Variants in ADCY1 observed in about 807,000 individuals in gnomAD.
The protein encoded by ADCY1 is adenylate cyclase type 1.
A neutral mutation model predicts 105.4 loss-of-function variants in ADCY1; 28 were observed. That is an observed-to-expected ratio of 0.27 (90% CI 0.20 to 0.36). ADCY1 has a LOEUF of 0.36. Ranked by LOEUF, ADCY1 falls within the 10% of genes least tolerant of loss-of-function variation. The pLI is 1.00. For missense variants in ADCY1, 977 were observed against 1,434.2 expected (o/e 0.68, Z 5.15); for synonymous variants, 655 against 623.8 (o/e 1.05, Z -0.75).
At chr7:45,693,929 C>T (rs141967240) in intron 14 of ADCY1, among the ~76,000 whole-genome samples, 15,565 of 105,260 alleles carry the variant, frequency 0.15, 1,396 homozygotes, top group Non-Finnish European at 0.2. Context: ...ATCACATGGA[C>T]ACAGGAAGGG....
rs1785502811 is a variant in ADCY1, at chr7:45,722,850, C to T, written c.*8855C>T. ...ACAATAACTCACTCTCACTGGGTAACTTCTCATGATAGATTTGTATGATCA... is the reference window on the plus strand; with the variant it reads ...ACAATAACTCACTCTCACTGGGTAATTTCTCATGATAGATTTGTATGATCA... On this transcript the variant is annotated 3_prime_UTR_variant, in exon 20 of 20. Coordinates refer to ENST00000297323, the MANE Select transcript of ADCY1 (RefSeq NM_021116.4). 6.6e-6 allele frequency: 1 copy of T among 152,608 alleles called. No individual in the cohort carries two copies. The highest frequency in any genetic ancestry group is 2.1e-4 in the South Asian group (1 of 4,834). The allele number at this position is 152,608 out of a possible 1,614,324, so 9.5% of individuals were successfully genotyped here.
intron 2 of ADCY1, among the ~76,000 whole-genome samples, chr7:45,593,888 G>A (rs1360446104): frequency 6.6e-6 from 1 of 152,250 alleles, no homozygotes; most frequent in African/African-American, 2.4e-5. Context: ...GGTGGTGTGT[G>A]CATTGCCGTC....
At chr7:45,659,666 G>A (rs901179101) in intron 6 of ADCY1, among the ~76,000 whole-genome samples, 1 of 152,174 alleles carries the variant, frequency 6.6e-6, no homozygotes, top group African/African-American at 2.4e-5. Context: ...GACCATGGCT[G>A]GGGAGGGACT....
chr7:45,611,539 T>G (rs1250723293), intron 3 of ADCY1, among the ~76,000 whole-genome samples: 2 of 152,058 alleles, frequency 1.3e-5, no homozygotes, highest in Non-Finnish European at 2.9e-5. Context: ...GTTCATTTCA[T>G]GACAGCCCTA....
At chr7:45,652,194 A>G (rs1363813408) in intron 5 of ADCY1, among the ~76,000 whole-genome samples, 4 of 152,168 alleles carry the variant, frequency 2.6e-5, no homozygotes, top group Non-Finnish European at 5.9e-5. Flanking sequence ...CAAGGGGGAC[A>G]TCCACCCCCA....
At chr7:45,704,465 C>T (rs73102659) in intron 16 of ADCY1, 53 bp from the exon 17 acceptor site, 41,406 of 1,541,024 alleles carry the variant, frequency 0.027, 775 homozygotes, top group Admixed American at 0.065. Context: ...ACGGCTGCAG[C>T]GACTTTTCTC....
intron 3 of ADCY1, among the ~76,000 whole-genome samples, chr7:45,617,335 G>C (rs565645667): frequency 6.6e-6 from 1 of 152,162 alleles, no homozygotes; most frequent in Non-Finnish European, 1.5e-5. Flanking sequence ...ATGGAGTCTC[G>C]GTCTTGAGTT....
intron 14 of ADCY1, among the ~76,000 whole-genome samples, chr7:45,691,905 C>T (rs1453575093): frequency 6.6e-6 from 1 of 152,176 alleles, no homozygotes; most frequent in African/African-American, 2.4e-5. Context: ...ACACTTGTCT[C>T]TCAGGGGGTT....
chr7:45,687,463 G>A (rs1181473186), intron 14 of ADCY1, among the ~76,000 whole-genome samples: 1 of 152,180 alleles, frequency 6.6e-6, no homozygotes, highest in Non-Finnish European at 1.5e-5. Context: ...CAGCCCTCCG[G>A]GAGGTGAGGC....
Position 45,686,063 on chromosome 7 carries a change from G to A in ADCY1, c.2175G>A (p.Glu725=), listed in dbSNP as rs1389743313. Reference sequence around the variant, plus strand: ...CAGCCCTGCCCACCCTGCCCTGCGAGTCTACACACCATGCCCTGCTCTGCT... The same window carrying A: ...CAGCCCTGCCCACCCTGCCCTGCGAATCTACACACCATGCCCTGCTCTGCT... ...QRTALPTLPC[E]STHHALLCCL... Residue 725 remains glutamate (E), a synonymous_variant, in exon 13 of 20, where the codon GAG becomes GAA. Coordinates refer to ENST00000297323, the MANE Select transcript of ADCY1 (RefSeq NM_021116.4). The surrounding 1 kb of genome is among the most constrained non-coding windows in gnomAD (Gnocchi z 4.3). 1.2e-6 allele frequency: 2 copies of A among 1,609,648 alleles called. No homozygotes were observed. Among genetic ancestry groups the A allele is most frequent in the African/African-American group, 2.7e-5 (2 of 73,396 alleles).
rs1484066510 is a variant in ADCY1 at position 45,677,954 on chromosome 7, G to A, written c.1691G>A (p.Arg564His). ...TNVVYTTPGT[R>H]VNRYISRLLE... ...GTTGTCTACACCACCCCGGGCACTCGCGTCAACAGGTACATCAGCCGCCTC... is the reference window on the plus strand; with the variant it reads ...GTTGTCTACACCACCCCGGGCACTCACGTCAACAGGTACATCAGCCGCCTC... The change falls in exon 9 of 20, where the codon CGC becomes CAC. Residue 564 changes from arginine to histidine, a missense_variant. Physicochemically the swap from Arg to His is conservative, Grantham distance 29 (BLOSUM62 0). Around this residue, in one of 7 missense-constraint regions of ADCY1, gnomAD observed 275 missense variants for 362.1 expected, o/e 0.76. Coordinates refer to ENST00000297323, the MANE Select transcript of ADCY1 (RefSeq NM_021116.4). 2.5e-6 allele frequency: 4 copies of A among 1,614,136 alleles called. No individual in the cohort carries two copies. The highest frequency in any genetic ancestry group is 3.4e-6 in the Non-Finnish European group (4 of 1,180,030).
intron 1 of ADCY1, among the ~76,000 whole-genome samples, chr7:45,580,638 TG>T (rs1792505618): frequency 6.6e-6 from 1 of 152,176 alleles, no homozygotes; most frequent in Non-Finnish European, 1.5e-5. Flanking sequence ...CCCTGTGGAC[TG>T]GGCGCTCAGC....
At chr7:45,619,500 C>T (rs1203886333) in intron 3 of ADCY1, among the ~76,000 whole-genome samples, 1 of 152,008 alleles carries the variant, frequency 6.6e-6, no homozygotes, top group Non-Finnish European at 1.5e-5. Context: ...AATTATGTGT[C>T]AGTTAATATA....
In ADCY1 at chr7:45,591,169, G is replaced by T. The variant is rs560685031; in HGVS notation, c.640-1590G>T. On this transcript the variant is annotated intron_variant, in intron 1 of 19. Transcript: ENST00000297323. This position sits in a 1 kb window ranked among gnomAD's most constrained non-coding sequence, Gnocchi z 4.1. ...TGTCATACACCTCAGGTTTGAAGGT[G>T]CTCCAAATCTGTCCTCTCCCCTCCC... 1.9e-4 allele frequency among the ~76,000 whole-genome samples: 29 copies of T among 152,290 alleles called. No individual in the cohort carries two copies. Among genetic ancestry groups the T allele is most frequent in the African/African-American group, 6.5e-4 (27 of 41,568 alleles).
chr7:45,580,857 G>A (rs1473496131), intron 1 of ADCY1, among the ~76,000 whole-genome samples: 4 of 152,162 alleles, frequency 2.6e-5, no homozygotes, highest in African/African-American at 4.8e-5. Flanking sequence ...AGTGGTGTCC[G>A]CTTGCCACTG....
rs139551413 is a variant in ADCY1, at chr7:45,686,776, A to G, written c.2454+103A>G. 166 of 1,468,130 alleles carry G rather than the reference A, an allele frequency of 1.1e-4. No individual in the cohort carries two copies. In the East Asian group the frequency reaches 3.8e-3, roughly 34 times the overall value. 90.9% of individuals were successfully genotyped at this position (1,468,130 alleles called of 1,614,324 possible). On this transcript the variant is annotated intron_variant, in intron 14 of 19. Coordinates refer to ENST00000297323, the MANE Select transcript of ADCY1 (RefSeq NM_021116.4). This position sits in a 1 kb window ranked among gnomAD's most constrained non-coding sequence, Gnocchi z 4.3. ...GCTGCCACAGACACCCACACGCCGT[A>G]TGGCCCTCGGAGGGCCCTCCTCAGC...
At chr7:45,630,587 C>G (rs1474027508) in intron 4 of ADCY1, among the ~76,000 whole-genome samples, 1 of 152,170 alleles carries the variant, frequency 6.6e-6, no homozygotes, top group Admixed American at 6.5e-5. Context: ...CAGTCTCCCT[C>G]TGTCTTCATA....
intron 4 of ADCY1, among the ~76,000 whole-genome samples, chr7:45,629,397 C>T (rs1176274151): frequency 6.6e-6 from 1 of 151,576 alleles, no homozygotes; most frequent in African/African-American, 2.4e-5. Flanking sequence ...TTGGTTATTA[C>T]AAATAAAGCT....
intron 14 of ADCY1, among the ~76,000 whole-genome samples, chr7:45,694,520 G>T (rs988337015): frequency 2.0e-5 from 3 of 152,090 alleles, no homozygotes; most frequent in Non-Finnish European, 4.4e-5. Flanking sequence ...AAGAAGAAAG[G>T]TCTCTCTCAA....
Sources: allele counts gnomAD v4.1 joint callset (sites outside exome capture counted in the v4.1 genomes callset), GRCh38; gene constraint gnomAD v4.1.1; regional missense constraint gnomAD v4.1.1; non-coding constraint Gnocchi (gnomAD v3.1); transcripts MANE v1.5; gene names NCBI Gene and HGNC (gene_info 2026-07-23, HGNC 2026-07-21).